ROBO2: variants seen among roughly 807,000 people sequenced by gnomAD.
The protein encoded by ROBO2 is roundabout guidance receptor 2.
A neutral mutation model predicts 160.8 loss-of-function variants in ROBO2; 53 were observed. That is an observed-to-expected ratio of 0.33 (90% CI 0.26 to 0.41). The LOEUF is 0.41. Among genes scored for constraint, ROBO2 ranks in the 10% least tolerant of loss-of-function variants. The probability of loss-of-function intolerance (pLI) is 1.00; values close to 1 mark genes in which losing one functional copy is unlikely to be tolerated. For synonymous variants in ROBO2, 664 were observed against 611.7 expected (o/e 1.09, Z -1.26); for missense variants, 1,577 against 1,722.4 (o/e 0.92, Z 1.49).
intron 2 of ROBO2, among the ~76,000 whole-genome samples, chr3:76,613,254 T>C (rs2088286711): frequency 6.6e-6 from 1 of 152,148 alleles, no homozygotes; most frequent in Admixed American, 6.5e-5. Context: ...TTCTCTTGCT[T>C]TTTATTTTTT....
intron 2 of ROBO2, among the ~76,000 whole-genome samples, chr3:76,123,636 G>C (rs556781819): frequency 1.3e-5 from 2 of 152,226 alleles, no homozygotes; most frequent in South Asian, 4.1e-4. Context: ...CCTGTCACTA[G>C]TTAGTATATT....
chr3:76,313,865 A>G (rs1422486407), intron 2 of ROBO2, among the ~76,000 whole-genome samples: 1 of 152,106 alleles, frequency 6.6e-6, no homozygotes, highest in Non-Finnish European at 1.5e-5. Context: ...TAGTATTAAC[A>G]GGAACTACCA....
At chr3:76,079,982 G>A (rs934430193) in intron 2 of ROBO2, among the ~76,000 whole-genome samples, 1 of 152,076 alleles carries the variant, frequency 6.6e-6, no homozygotes, top group Admixed American at 6.5e-5. Flanking sequence ...TTTTATAGCA[G>A]GAATACATAA....
chr3:76,231,792 A>G (rs1188127238), intron 2 of ROBO2, among the ~76,000 whole-genome samples: 4 of 152,232 alleles, frequency 2.6e-5, no homozygotes, highest in Non-Finnish European at 4.4e-5. Flanking sequence ...TATGATGTAT[A>G]AACAAATCTG....
intron 2 of ROBO2, among the ~76,000 whole-genome samples, chr3:77,185,307 T>C (rs1461059217): frequency 2.0e-5 from 3 of 151,926 alleles, no homozygotes; most frequent in Non-Finnish European, 2.9e-5. Context: ...GACAGATTAC[T>C]GAAGGGGAAA....
chr3:76,114,626 A>G (rs1016819578), intron 2 of ROBO2, among the ~76,000 whole-genome samples: 2 of 152,122 alleles, frequency 1.3e-5, no homozygotes, highest in Non-Finnish European at 2.9e-5. Context: ...TGTTCCCAAT[A>G]TCACCCACCT....
intron 1 of ROBO2, among the ~76,000 whole-genome samples, chr3:77,062,205 T>A (rs925932189): frequency 6.6e-6 from 1 of 152,098 alleles, no homozygotes; most frequent in Admixed American, 6.6e-5. Flanking sequence ...TTCACCCATT[T>A]CTCTAGAAAA....
Position 77,525,706 on chromosome 3 carries a change from AT to A in ROBO2, c.934+2810del, listed in dbSNP as rs371078089. Among the ~76,000 whole-genome samples, 225 of 150,966 alleles carry A rather than the reference AT, an allele frequency of 1.5e-3. 2 individuals carry two copies. Among genetic ancestry groups the A allele is most frequent in the African/African-American group, 5.0e-3 (208 of 41,400 alleles). On this transcript the variant is annotated intron_variant, in intron 6 of 25. Transcript: ENST00000461745. ...TTGTTTCTAGAGCATTAAAGCCTTA[AT>A]TTTTTGGAATTATTCTATAATAAAA...
At chr3:77,554,157 G>A (rs1418311550) in intron 8 of ROBO2, among the ~76,000 whole-genome samples, 2 of 151,778 alleles carry the variant, frequency 1.3e-5, no homozygotes, top group Non-Finnish European at 2.9e-5. Context: ...TACTCTGCCT[G>A]TGCTCTGTAA....
intron 4 of ROBO2, among the ~76,000 whole-genome samples, chr3:77,486,988 A>G (rs2085443257): frequency 1.3e-5 from 2 of 152,108 alleles, no homozygotes. Flanking sequence ...GATTATTTTC[A>G]CAGTACGATG....
At chr3:77,336,948 T>C (rs554281126) in intron 2 of ROBO2, among the ~76,000 whole-genome samples, 39 of 152,312 alleles carry the variant, frequency 2.6e-4, no homozygotes, top group Middle Eastern at 3.4e-3. Flanking sequence ...AAATTCGGTA[T>C]ATGTCTCCAG....
chr3:76,713,310 T>G (rs2093329540), intron 2 of ROBO2, among the ~76,000 whole-genome samples: 3 of 152,194 alleles, frequency 2.0e-5, no homozygotes, highest in Admixed American at 1.3e-4. Flanking sequence ...TATGATTCTT[T>G]GAATTAAAAG....
exon 3 of ROBO2, chr3:77,477,447 A>G (rs571512029): frequency 6.2e-7 from 1 of 1,613,948 alleles, no homozygotes; most frequent in Non-Finnish European, 8.5e-7. Context: ...AACCCCACAG[A>G]TGTTGTAGTG....
At chr3:77,409,323 ACT>A (rs2076514164) in intron 2 of ROBO2, among the ~76,000 whole-genome samples, 1 of 151,600 alleles carries the variant, frequency 6.6e-6, no homozygotes, top group African/African-American at 2.4e-5. Flanking sequence ...TCTGAATCTT[ACT>A]CTTTTTGTAT....
intron 2 of ROBO2, among the ~76,000 whole-genome samples, chr3:76,372,178 C>T (rs941578671): frequency 6.6e-6 from 1 of 151,882 alleles, no homozygotes; most frequent in Admixed American, 6.6e-5. Context: ...ATAATGTTTC[C>T]ACAACCAGGA....
Position 76,865,981 on chromosome 3 carries a change from A to C in ROBO2, c.110-232033A>C, listed in dbSNP as rs914406952. Among the ~76,000 whole-genome samples the C allele has an allele frequency of 3.3e-5, 5 of 152,262 alleles. No homozygotes were observed. The East Asian group carries it at 7.7e-4, about 24-fold the overall frequency. ...ACTTATGCAGGAGTTTAAGTATAAGAGAGCTTTTCAATAGGCTCCTTATTT... is the reference window on the plus strand; with the variant it reads ...ACTTATGCAGGAGTTTAAGTATAAGCGAGCTTTTCAATAGGCTCCTTATTT... On this transcript the variant is annotated intron_variant, in intron 2 of 26. Coordinates refer to the ROBO2 transcript ENST00000487694.
chr3:77,243,332 A>C (rs1036236594), intron 2 of ROBO2, among the ~76,000 whole-genome samples: 16 of 152,352 alleles, frequency 1.1e-4, no homozygotes, highest in Non-Finnish European at 2.1e-4. Context: ...CATTTAGATC[A>C]TGACTGCTAA....
intron 2 of ROBO2, among the ~76,000 whole-genome samples, chr3:76,441,036 T>G (rs2076903992): frequency 6.6e-6 from 1 of 152,140 alleles, no homozygotes; most frequent in African/African-American, 2.4e-5. Flanking sequence ...ATGTGTTATA[T>G]TCAATGGGCT....
rs114399961 is a variant in ROBO2, at chr3:77,478,850, G to A, written c.546+1279G>A. On this transcript the variant is annotated intron_variant, in intron 3 of 25. Transcript: ENST00000461745. ...AAGGGATGACAATGTATATTCATGCGTTTCTGGTATAGAGGCAAAGATATT... is the reference window on the plus strand; with the variant it reads ...AAGGGATGACAATGTATATTCATGCATTTCTGGTATAGAGGCAAAGATATT... 1.6e-3 allele frequency among the ~76,000 whole-genome samples: 248 copies of A among 152,226 alleles called. 3 individuals are homozygous for A. Among genetic ancestry groups the A allele is most frequent in the African/African-American group, 5.4e-3 (225 of 41,540 alleles).
Sources: gnomAD v4.1 joint callset for allele counts (sites outside exome capture counted in the v4.1 genomes callset) on GRCh38, gnomAD v4.1.1 for gene constraint, MANE v1.5 for transcripts, NCBI Gene and HGNC (gene_info 2026-07-23, HGNC 2026-07-21) for gene names.